Variants in FTO observed in about 807,000 individuals in gnomAD.
FTO encodes the protein alpha-ketoglutarate-dependent dioxygenase FTO.
FTO carries 47 observed loss-of-function variants against 63.9 expected under a neutral mutation model. That is an observed-to-expected ratio of 0.74 (90% CI 0.58 to 0.94). The LOEUF is 0.94. Among genes scored for constraint, FTO ranks in the 40% least tolerant of loss-of-function variants. The pLI is 0.00. For synonymous variants in FTO, 207 were observed against 224.4 expected (o/e 0.92, Z 0.69); for missense variants, 562 against 618.1 (o/e 0.91, Z 0.96).
At chr16:53,848,471 G>T (rs2079697003) in intron 4 of FTO, among the ~76,000 whole-genome samples, 3 of 152,112 alleles carry the variant, frequency 2.0e-5, no homozygotes. Context: ...CTTAACTAAG[G>T]TTGTCACGGT....
chr16:53,801,183 G>T (rs2078209292), intron 1 of FTO, among the ~76,000 whole-genome samples: 1 of 149,466 alleles, frequency 6.7e-6, no homozygotes. Context: ...GCCTTTTTTG[G>T]ATTTTTTTAT....
chr16:53,804,107 C>A (rs2078294241), intron 1 of FTO, among the ~76,000 whole-genome samples: 1 of 152,172 alleles, frequency 6.6e-6, no homozygotes, highest in Non-Finnish European at 1.5e-5. Flanking sequence ...GTATTAATAT[C>A]ATTTACATCT....
At position 54,118,298 on chromosome 16, in the gene FTO, G is replaced by T. The variant is rs115769608; in HGVS notation, c.*6383G>T. The T allele has an allele frequency of 6.6e-6, 1 of 151,978 alleles. No homozygotes were observed. The highest frequency in any genetic ancestry group is 2.4e-5 in the African/African-American group (1 of 41,368). The allele number at this position is 151,978 out of a possible 1,614,324, so 9.4% of individuals were successfully genotyped here. ...AATGGTTCCAGATCCTGTGTGCTTC[G>T]GGTAATTCTGACCCTCTTCATTAGT... On this transcript the variant is annotated 3_prime_UTR_variant, in exon 9 of 9. Transcript: ENST00000471389.
At position 53,950,155 on chromosome 16, in the gene FTO, T is replaced by TAAAAAAAAAAAAAAAAAAAAAAAAAAAA. The variant is rs57925273; in HGVS notation, c.1364+16070_1364+16071insAAAAAAAAAAAAAAAAAAAAAAAAAAAA. On this transcript the variant is annotated intron_variant, in intron 8 of 8. Transcript: ENST00000471389. ...GGAAAAAAAAAGATATTCACATTTG[T>TAAAAAAAAAAAAAAAAAAAAAAAAAAAA]AAAAAAAAAAAAAAAAAAAAAAAAC... 1.7e-3 allele frequency among the ~76,000 whole-genome samples: 88 copies of TAAAAAAAAAAAAAAAAAAAAAAAAAAAA among 50,602 alleles called. 8 individuals carry two copies. The highest frequency in any genetic ancestry group is 2.8e-3 in the Non-Finnish European group (64 of 22,562). 33.2% of individuals were successfully genotyped at this position (50,602 alleles called of 152,430 possible).
At position 54,087,223 on chromosome 16, in the gene FTO, G is replaced by GT. The variant is rs200108979; in HGVS notation, c.1365-24534dup. 7.7e-3 allele frequency among the ~76,000 whole-genome samples: 1,174 copies of GT among 152,278 alleles called. 18 individuals are homozygous for GT. Among genetic ancestry groups the GT allele is most frequent in the African/African-American group, 0.026 (1,079 of 41,542 alleles). On this transcript the variant is annotated intron_variant, in intron 8 of 8. Coordinates refer to ENST00000471389, the MANE Select transcript of FTO (RefSeq NM_001080432.3). ...AACACCTAAAACCATTCCTGAAAGC[G>GT]TTTTTGGTTTCTAGAAAAACATCTG...
intron 8 of FTO, among the ~76,000 whole-genome samples, chr16:54,067,294 T>A (rs554553149): frequency 1.4e-4 from 21 of 152,340 alleles, no homozygotes; most frequent in African/African-American, 5.0e-4. Flanking sequence ...CATGAACAGG[T>A]TGAATGCCAC....
chr16:53,707,193 G>A (rs1216184403), intron 1 of FTO, among the ~76,000 whole-genome samples: 1 of 152,196 alleles, frequency 6.6e-6, no homozygotes, highest in African/African-American at 2.4e-5. Flanking sequence ...TACTCCCTTT[G>A]AAGGACTCTA....
At chr16:54,031,721 G>A (rs2084836283) in intron 8 of FTO, among the ~76,000 whole-genome samples, 1 of 150,842 alleles carries the variant, frequency 6.6e-6, no homozygotes, top group East Asian at 1.9e-4. Context: ...CTCCTAAGCT[G>A]TAAGCAATTA....
chr16:54,012,487 C>T (rs1317790960), intron 8 of FTO, among the ~76,000 whole-genome samples: 4 of 152,184 alleles, frequency 2.6e-5, no homozygotes, highest in Non-Finnish European at 4.4e-5. Context: ...TAGCTAAGGT[C>T]ATTGATGAAA....
chr16:53,976,033 C>T (rs1303945386), intron 8 of FTO, among the ~76,000 whole-genome samples: 1 of 152,118 alleles, frequency 6.6e-6, no homozygotes, highest in Non-Finnish European at 1.5e-5. Context: ...AGCAAAGTTC[C>T]CTGGCTCTCC....
At chr16:54,094,293 T>C (rs1224359670) in intron 8 of FTO, among the ~76,000 whole-genome samples, 1 of 152,216 alleles carries the variant, frequency 6.6e-6, no homozygotes, top group Non-Finnish European at 1.5e-5. Context: ...GGCGGTCTCT[T>C]TGGCAACTCA....
intron 1 of FTO, among the ~76,000 whole-genome samples, chr16:53,730,501 C>CT (rs150433779): frequency 0.06 from 8,813 of 146,796 alleles, 306 homozygotes; most frequent in East Asian, 0.11. Flanking sequence ...TTTTAGAAGG[C>CT]TTTTTTTTTT....
intron 8 of FTO, among the ~76,000 whole-genome samples, chr16:54,093,007 C>T (rs1750331706): frequency 6.6e-6 from 1 of 152,342 alleles, no homozygotes; most frequent in Admixed American, 6.5e-5. Flanking sequence ...ATACCTTTCC[C>T]TCCTTTCCCC....
chr16:54,079,877 C>G (rs1404671677), intron 8 of FTO, among the ~76,000 whole-genome samples: 1 of 152,050 alleles, frequency 6.6e-6, no homozygotes, highest in African/African-American at 2.4e-5. Flanking sequence ...ATTTATTTTT[C>G]TCTTCTTTTT....
intron 4 of FTO, among the ~76,000 whole-genome samples, chr16:53,864,381 C>A (rs761902394): frequency 6.6e-6 from 1 of 152,046 alleles, no homozygotes; most frequent in Non-Finnish European, 1.5e-5. Flanking sequence ...CTGTCCTTTT[C>A]GAAAAGTCTG....
intron 7 of FTO, among the ~76,000 whole-genome samples, chr16:53,901,520 T>C (rs2081402711): frequency 6.6e-6 from 1 of 152,174 alleles, no homozygotes; most frequent in African/African-American, 2.4e-5. Context: ...TGGTCTTCTC[T>C]CACTTCCACT....
chr16:54,017,611 C>T (rs1471548450), intron 8 of FTO, among the ~76,000 whole-genome samples: 1 of 152,160 alleles, frequency 6.6e-6, no homozygotes, highest in Non-Finnish European at 1.5e-5. Context: ...CAATGGGCTT[C>T]TTTCGGTGAT....
At chr16:53,940,251 T>C (rs2082495923) in intron 8 of FTO, among the ~76,000 whole-genome samples, 1 of 152,214 alleles carries the variant, frequency 6.6e-6, no homozygotes, top group Non-Finnish European at 1.5e-5. Flanking sequence ...CGAGCATCTT[T>C]TCCTGTGCTT....
chr16:54,088,801 G>A (rs1167720721), intron 8 of FTO, among the ~76,000 whole-genome samples: 6 of 152,160 alleles, frequency 3.9e-5, no homozygotes, highest in Non-Finnish European at 2.9e-5. Flanking sequence ...TGCACACTGG[G>A]AAAATTCATT....
Sources: allele counts gnomAD v4.1 joint callset (sites outside exome capture counted in the v4.1 genomes callset), GRCh38; gene constraint gnomAD v4.1.1; transcripts MANE v1.5; gene names NCBI Gene and HGNC (gene_info 2026-07-23, HGNC 2026-07-21).